Variants in PLXNA2 observed in about 807,000 individuals in gnomAD.
The protein encoded by PLXNA2 is plexin-A2.
Under a neutral mutation model 193.5 loss-of-function variants are expected in PLXNA2, and 91 were observed. The observed-to-expected ratio is 0.47, with a 90% CI of 0.40 to 0.56. The LOEUF is 0.56. Among genes scored for constraint, PLXNA2 ranks in the 20% least tolerant of loss-of-function variants. The pLI is 0.00. For synonymous variants in PLXNA2, 997 were observed against 1,027.3 expected (o/e 0.97, Z 0.56); for missense variants, 1,995 against 2,503.2 (o/e 0.80, Z 4.33).
At position 208,046,054 on chromosome 1, in the gene PLXNA2, G is replaced by A. The variant is rs1160182065; in HGVS notation, c.3319C>T (p.Arg1107Cys). The A allele has an allele frequency of 2.2e-5, 35 of 1,614,120 alleles. No individual in the cohort carries two copies. The highest frequency in any genetic ancestry group is 8.9e-5 in the East Asian group (4 of 44,896). The change falls in exon 18 of 32, where the codon CGC (arginine) becomes TGC (cysteine). Residue 1107 changes from arginine to cysteine, a missense_variant. Arg to Cys is a radical substitution (Grantham distance 180). Around this residue, in one of 3 missense-constraint regions of PLXNA2, gnomAD observed 1,291 missense variants for 1,673.6 expected, o/e 0.77. Coordinates refer to ENST00000367033, the MANE Select transcript of PLXNA2 (RefSeq NM_025179.4). ...CLAPSLTTDYRPGLDTVERPD... is the reference protein window; with the variant it reads ...CLAPSLTTDYCPGLDTVERPD... Reference sequence around the variant, plus strand: ...CGTTCCACAGTGTCCAGGCCAGGGCGGTAGTCCGTGGTCAGAGAGGGTGCC... The same window carrying A: ...CGTTCCACAGTGTCCAGGCCAGGGCAGTAGTCCGTGGTCAGAGAGGGTGCC...
chr1:208,092,982 C>T (rs1666765124), intron 8 of PLXNA2, 82 bp from the exon 9 acceptor site: 2 of 940,394 alleles, frequency 2.1e-6, no homozygotes, highest in East Asian at 5.1e-5. Flanking sequence ...AGTCTGTTAA[C>T]CTGTGTTTAA....
chr1:208,100,237 CA>C (rs1473987148), intron 5 of PLXNA2, among the ~76,000 whole-genome samples: 1 of 151,978 alleles, frequency 6.6e-6, no homozygotes, highest in Non-Finnish European at 1.5e-5. Context: ...GGTATGGTGG[CA>C]CACGCCTCTA....
intron 4 of PLXNA2, among the ~76,000 whole-genome samples, chr1:208,127,274 T>TAC (rs10666701): frequency 0.97 from 147,107 of 152,142 alleles, 71,341 homozygotes; most frequent in East Asian, 1. Flanking sequence ...TGTGTGCATG[T>TAC]ACACACACAT....
chr1:208,218,286 C>T (rs1007634514), intron 1 of PLXNA2, among the ~76,000 whole-genome samples: 4 of 152,254 alleles, frequency 2.6e-5, no homozygotes, highest in Middle Eastern at 3.4e-3. Context: ...GTTTTCATCT[C>T]CCAGAGAGGT....
At chr1:208,185,715 A>G (rs74773039) in intron 3 of PLXNA2, among the ~76,000 whole-genome samples, 3 of 66,406 alleles carry the variant, frequency 4.5e-5, no homozygotes, top group East Asian at 3.8e-4. Flanking sequence ...AAAAAAAAAA[A>G]AAAGGAAAAA....
intron 4 of PLXNA2, among the ~76,000 whole-genome samples, chr1:208,107,324 T>C (rs1667301544): frequency 6.6e-6 from 1 of 152,206 alleles, no homozygotes; most frequent in Non-Finnish European, 1.5e-5. Context: ...TCTTTTTAAA[T>C]GTTAGGTCCT....
chr1:208,192,585 T>A (rs1670216584), intron 3 of PLXNA2, among the ~76,000 whole-genome samples: 2 of 152,114 alleles, frequency 1.3e-5, no homozygotes, highest in African/African-American at 4.8e-5. Context: ...AAAGGCACAC[T>A]TTTTAAAAAC....
chr1:208,202,521 A>G (rs1269051207), intron 3 of PLXNA2, among the ~76,000 whole-genome samples: 1 of 152,142 alleles, frequency 6.6e-6, no homozygotes, highest in Non-Finnish European at 1.5e-5. Context: ...ACTCTTTGTT[A>G]TGCAAATTGG....
chr1:208,035,187 A>T (rs977611955), intron 26 of PLXNA2, among the ~76,000 whole-genome samples: 7 of 152,044 alleles, frequency 4.6e-5, no homozygotes, highest in Non-Finnish European at 1.0e-4. Context: ...AAAAAAAAAA[A>T]TGGAATCATA....
chr1:208,130,882 G>GC (rs34719065), intron 4 of PLXNA2, among the ~76,000 whole-genome samples: 15 of 152,282 alleles, frequency 9.9e-5, no homozygotes, highest in South Asian at 8.3e-4. Flanking sequence ...GTGAGAAAAA[G>GC]CCCCCCACAT....
chr1:208,039,013 G>C (rs768963584), intron 24 of PLXNA2, 29 bp from the exon 25 acceptor site: 19 of 1,602,866 alleles, frequency 1.2e-5, no homozygotes, highest in Non-Finnish European at 1.6e-5. Context: ...GGGTGAGCAG[G>C]ACAGGAGTTG....
At chr1:208,241,275 A>G (rs1413116569) in intron 1 of PLXNA2, among the ~76,000 whole-genome samples, 1 of 152,224 alleles carries the variant, frequency 6.6e-6, no homozygotes, top group Non-Finnish European at 1.5e-5. Flanking sequence ...TGGTGAAGGA[A>G]CTTTTACATT....
At position 208,091,243 on chromosome 1, in the gene PLXNA2, C is replaced by T. The variant is rs565086842; in HGVS notation, c.2097+1543G>A. 1.3e-3 allele frequency among the ~76,000 whole-genome samples: 191 copies of T among 152,296 alleles called. 1 individual carries two copies. Among genetic ancestry groups the T allele is most frequent in the Non-Finnish European group, 2.0e-3 (137 of 68,026 alleles). The stretch of plus-strand genomic sequence containing the variant: ...AGACAGGCAAATTCCATTTTTCTGA[C>T]TGAACATAACACCTGTTGTTTCATA... On this transcript the variant is annotated intron_variant, in intron 9 of 31. Transcript: ENST00000367033.
Position 208,190,714 on chromosome 1 carries a change from A to C in PLXNA2, c.1371+19566T>G, listed in dbSNP as rs79462126. ...GCCAGATACTGCCAAATGTCTGCAA[A>C]ATCACCTCCAGTTGGAAACCACTAG... On this transcript the variant is annotated intron_variant, in intron 3 of 31. Coordinates refer to ENST00000367033, the MANE Select transcript of PLXNA2 (RefSeq NM_025179.4). 3.3e-3 allele frequency among the ~76,000 whole-genome samples: 507 copies of C among 152,360 alleles called. 2 individuals are homozygous for C. The highest frequency in any genetic ancestry group is 0.011 in the African/African-American group (477 of 41,586).
intron 11 of PLXNA2, among the ~76,000 whole-genome samples, chr1:208,081,951 T>A (rs534879031): frequency 6.6e-6 from 1 of 152,154 alleles, no homozygotes; most frequent in Non-Finnish European, 1.5e-5. Context: ...TTGCTCCCGA[T>A]GTGAGCTGGA....
At chr1:208,105,115 C>T (rs1291262137) in intron 4 of PLXNA2, among the ~76,000 whole-genome samples, 2 of 152,230 alleles carry the variant, frequency 1.3e-5, no homozygotes, top group Non-Finnish European at 2.9e-5. Flanking sequence ...GTCTCCGCAG[C>T]CTGCCCTAGG....
chr1:208,046,698 G>T (rs952230977), intron 17 of PLXNA2, among the ~76,000 whole-genome samples: 4 of 151,680 alleles, frequency 2.6e-5, no homozygotes, highest in African/African-American at 7.3e-5. Context: ...AGGAGAGGGA[G>T]GGGGAAGGGA....
intron 12 of PLXNA2, among the ~76,000 whole-genome samples, chr1:208,070,623 G>T (rs1665947410): frequency 6.6e-6 from 1 of 152,180 alleles, no homozygotes; most frequent in South Asian, 2.1e-4. Flanking sequence ...AAACACAGGG[G>T]CTCTTGAGTC....
At chr1:208,032,091 G>GTGC (rs1664522642) in intron 28 of PLXNA2, 2 of 985,224 alleles carry the variant, frequency 2.0e-6, no homozygotes, top group African/African-American at 3.5e-5. Flanking sequence ...GGCACAGGCT[G>GTGC]CAAGCCAGTC....
Sources: gnomAD v4.1 joint callset for allele counts (sites outside exome capture counted in the v4.1 genomes callset) on GRCh38, gnomAD v4.1.1 for gene constraint, gnomAD v4.1.1 regional missense constraint, MANE v1.5 for transcripts, NCBI Gene and HGNC (gene_info 2026-07-23, HGNC 2026-07-21) for gene names.